Variants in RAI2 observed in about 807,000 individuals in gnomAD.
RAI2 encodes the protein retinoic acid induced 2.
In RAI2, 5 loss-of-function variants were observed where a neutral mutation model predicts 15.3. The ratio of observed to expected loss-of-function variants is 0.33; its 90% CI spans 0.17 to 0.69. The LOEUF is 0.69. RAI2 is among the 30% of genes least tolerant of loss of function. RAI2 has a pLI of 0.69. For missense variants in RAI2, 424 were observed against 424.7 expected, an observed-to-expected ratio of 1.00 and a Z score of 0.01; for synonymous variants, 191 against 184.0, an observed-to-expected ratio of 1.04 and a Z score of -0.31.
intron 1 of RAI2, among the ~76,000 whole-genome samples, chrX:17,856,688 C>G (rs745812082): frequency 2.7e-4 from 31 of 112,813 alleles, no homozygotes; most frequent in African/African-American, 1.0e-3. Context: ...TGGCTCAAGA[C>G]ATCTGCTGGC....
intron 1 of RAI2, among the ~76,000 whole-genome samples, chrX:17,841,294 C>T (rs1239424975): frequency 9.0e-6 from 1 of 111,642 alleles, no homozygotes; most frequent in African/African-American, 3.3e-5. Context: ...GAAAGAGATG[C>T]CAACACGCAT....
chrX:17,817,636 T>C (rs765475917), intron 1 of RAI2, among the ~76,000 whole-genome samples: 36 of 111,449 alleles, frequency 3.2e-4, no homozygotes, highest in Non-Finnish European at 6.0e-4. Flanking sequence ...AAGGTGGGGG[T>C]TGTGGGAGGG....
chrX:17,818,130 A>G (rs994356196), intron 1 of RAI2, among the ~76,000 whole-genome samples: 3 of 111,623 alleles, frequency 2.7e-5, no homozygotes, highest in Non-Finnish European at 5.6e-5. Context: ...GATTGCCCCT[A>G]TTTTATAGAT....
chrX:17,800,612 A>T lies in RAI2; in HGVS notation c.1399T>A (p.Ser467Thr). The change falls in exon 2 of 2, where the codon TCC becomes ACC. Residue 467 changes from serine to threonine, a missense_variant. By Grantham distance (58) the Ser-to-Thr change is moderately conservative. Coordinates refer to ENST00000451717, the MANE Select transcript of RAI2 (RefSeq NM_021785.6). ...AGCACGGAGTCTTCTCTTTTGAAGG[A>T]GAAGTTTTTGGTGGACACCCCTGAG... ...GLSGVSTKNF[S>T]FKREDSVLQG... is the part of the protein sequence containing the mutation. 1 of 1,211,362 alleles carries T rather than the reference A, an allele frequency of 8.3e-7. No individual in the cohort carries two copies. Among genetic ancestry groups the T allele is most frequent in the Non-Finnish European group, 1.1e-6 (1 of 895,390 alleles).
At chrX:17,836,039 A>G (rs1043304108) in intron 1 of RAI2, among the ~76,000 whole-genome samples, 1 of 111,823 alleles carries the variant, frequency 8.9e-6, no homozygotes, top group Non-Finnish European at 1.9e-5. Flanking sequence ...CCTCAGAGAT[A>G]CAGAGTAGCT....
chrX:17,851,069 G>A (rs2067527180), intron 1 of RAI2, among the ~76,000 whole-genome samples: 1 of 112,351 alleles, frequency 8.9e-6, no homozygotes, highest in Admixed American at 9.4e-5. Context: ...AGTTTTGGCT[G>A]TAAGCTTCAG....
chrX:17,804,874 G>T (rs2066959821), intron 1 of RAI2, among the ~76,000 whole-genome samples: 1 of 112,553 alleles, frequency 8.9e-6, no homozygotes, highest in African/African-American at 3.2e-5. Context: ...CCTGGCTTTG[G>T]TCTAGGCCTG....
In RAI2 at chrX:17,861,124, GA is replaced by G. The variant is rs2067685417; in HGVS notation, c.-52del. On this transcript the variant is annotated 5_prime_UTR_variant, in exon 1 of 2. Coordinates refer to ENST00000451717, the MANE Select transcript of RAI2 (RefSeq NM_021785.6). Reference sequence around the variant, plus strand: ...TCGCAATCGCGGCCGCCGCCTCCAGGAAGCCGCGGGGTGGTCGAGTGTGCTG... The same window carrying G: ...TCGCAATCGCGGCCGCCGCCTCCAGGAGCCGCGGGGTGGTCGAGTGTGCTG... The G allele has an allele frequency of 9.3e-6, 1 of 107,807 alleles. No homozygotes were observed. Among genetic ancestry groups the G allele is most frequent in the Non-Finnish European group, 1.9e-5 (1 of 51,459 alleles). 8.9% of individuals were successfully genotyped at this position (107,807 alleles called of 1,213,427 possible).
At position 17,801,625 on chromosome X, in the gene RAI2, T is replaced by A; in HGVS notation, c.386A>T (p.His129Leu). 2 of 1,211,501 alleles carry A rather than the reference T, an allele frequency of 1.7e-6. No homozygotes were observed. The highest frequency in any genetic ancestry group is 2.2e-6 in the Non-Finnish European group (2 of 895,389). ...PVQLPVVLEQ[H>L]VFQHLNSPLV... ...AGGGGAGTTGAGGTGCTGAAAGACG[T>A]GCTGCTCCAGCACCACGGGCAGTTG... The change falls in exon 2 of 2, where the codon CAC becomes CTC. Residue 129 changes from histidine (H) to leucine (L), a missense_variant. Coordinates refer to ENST00000451717, the MANE Select transcript of RAI2 (RefSeq NM_021785.6).
At chrX:17,860,900 C>T (rs1258341815) in intron 1 of RAI2, among the ~76,000 whole-genome samples, 198 bp downstream of exon 1, 4 of 104,898 alleles carry the variant, frequency 3.8e-5, no homozygotes, top group African/African-American at 1.0e-4. Context: ...GGCCTCGGCC[C>T]GCGTCCCCGC....
chrX:17,841,333 A>T (rs1301570892), intron 1 of RAI2, among the ~76,000 whole-genome samples: 1 of 112,045 alleles, frequency 8.9e-6, no homozygotes, highest in Non-Finnish European at 1.9e-5. Context: ...TGCAGACAAG[A>T]AGCTGTACCA....
At chrX:17,837,409 G>C (rs373136097) in intron 1 of RAI2, 6 of 111,777 alleles carry the variant, frequency 5.4e-5, no homozygotes, top group East Asian at 2.8e-4. Context: ...AAAGTAAATT[G>C]GGTATCTTTA....
At chrX:17,838,640 A>AACAC (rs939115482) in intron 1 of RAI2, among the ~76,000 whole-genome samples, 67 of 98,212 alleles carry the variant, frequency 6.8e-4, no homozygotes, top group African/African-American at 2.7e-3. Flanking sequence ...GACCGCCTCA[A>AACAC]ACACACACAC....
At chrX:17,836,391 ATTG>A (rs1048296246) in intron 1 of RAI2, among the ~76,000 whole-genome samples, 24 of 112,239 alleles carry the variant, frequency 2.1e-4, no homozygotes, top group African/African-American at 7.4e-4. Context: ...ATATTATCCT[ATTG>A]TTGGGTAAAA....
rs5955905 is a variant in RAI2, at chrX:17,820,500, G to A, written c.-24-18466C>T. On this transcript the variant is annotated intron_variant, in intron 1 of 1. Transcript: ENST00000451717. ...AGTCAGAAGTTCCTTAAAGGCAAAG[G>A]CCTCCTATTTTGCATGCTGGAGAGG... is the stretch of plus-strand genomic sequence containing the variant. Among the ~76,000 whole-genome samples, 780 of 111,710 alleles carry A rather than the reference G, an allele frequency of 7.0e-3. 6 individuals are homozygous for A. Among genetic ancestry groups the A allele is most frequent in the African/African-American group, 0.023 (708 of 30,746 alleles).
intron 1 of RAI2, among the ~76,000 whole-genome samples, chrX:17,860,184 C>A (rs1260320342): frequency 8.9e-6 from 1 of 111,806 alleles, no homozygotes; most frequent in African/African-American, 3.3e-5. Context: ...CACAAAGCAG[C>A]AGCTGTTTGG....
At chrX:17,821,681 C>T (rs1313699021) in intron 1 of RAI2, among the ~76,000 whole-genome samples, 1 of 111,049 alleles carries the variant, frequency 9.0e-6, no homozygotes, top group Non-Finnish European at 1.9e-5. Context: ...ATATGGCTTT[C>T]TAATTTCCAT....
At chrX:17,854,810 A>G (rs1168643741) in intron 1 of RAI2, among the ~76,000 whole-genome samples, 5 of 111,902 alleles carry the variant, frequency 4.5e-5, no homozygotes, top group African/African-American at 1.3e-4. Flanking sequence ...TCCAGTAAAC[A>G]GTCTGCTTCT....
chrX:17,809,183 C>T (rs2067014051), intron 1 of RAI2, among the ~76,000 whole-genome samples: 3 of 112,379 alleles, frequency 2.7e-5, no homozygotes, highest in Admixed American at 9.4e-5. Flanking sequence ...GAGGTCTACA[C>T]AGCCCTCTGA....
Sources: gnomAD v4.1 joint callset for allele counts (sites outside exome capture counted in the v4.1 genomes callset) on GRCh38, gnomAD v4.1.1 for gene constraint, MANE v1.5 for transcripts, NCBI Gene and HGNC (gene_info 2026-07-23, HGNC 2026-07-21) for gene names.